Variants in HSF5 observed in about 807,000 individuals in gnomAD.
HSF5 encodes heat shock factor protein 5.
HSF5 carries 5 observed loss-of-function variants against 50.8 expected under a neutral mutation model. That is an observed-to-expected ratio of 0.10 (90% CI 0.05 to 0.21). The LOEUF (loss-of-function observed/expected upper bound fraction) is 0.21, where lower values mean the gene tolerates loss of function less well. Among genes scored for constraint, HSF5 ranks in the 10% least tolerant of loss-of-function variants. The pLI, the probability that HSF5 is intolerant of heterozygous loss-of-function variation, is 1.00. For synonymous variants in HSF5, 307 were observed against 307.4 expected (o/e 1.00, Z 0.02); for missense variants, 564 against 762.6 (o/e 0.74, Z 3.07).
intron 5 of HSF5, among the ~76,000 whole-genome samples, chr17:58,428,607 C>T (rs1207214279): frequency 1.3e-5 from 2 of 151,682 alleles, no homozygotes; most frequent in South Asian, 4.2e-4. Context: ...TGCAGTGAGC[C>T]GAGATCACAC....
chr17:58,476,763 GTT>G, intron 2 of HSF5: 2 of 1,598,556 alleles, frequency 1.3e-6, no homozygotes, highest in Non-Finnish European at 1.7e-6. Context: ...GGTTGGCGGA[GTT>G]TGTTATATTT....
At chr17:58,440,277 T>C (rs561602799) in intron 5 of HSF5, among the ~76,000 whole-genome samples, 50 of 152,300 alleles carry the variant, frequency 3.3e-4, no homozygotes, top group African/African-American at 1.2e-3. Context: ...TGTCAGAGAC[T>C]GGGCTTGTCA....
intron 1 of HSF5, among the ~76,000 whole-genome samples, chr17:58,482,324 G>A (rs935007186): frequency 1.3e-4 from 20 of 151,930 alleles, no homozygotes; most frequent in Admixed American, 7.2e-4. Context: ...TAGACCCTGC[G>A]CAGTGTCTCA....
Position 58,488,088 on chromosome 17 carries a change from C to G in HSF5, c.187G>C (p.Ala63Pro). 6.3e-7 allele frequency: 1 copy of G among 1,576,660 alleles called. No homozygotes were observed. Among genetic ancestry groups the G allele is most frequent in the South Asian group, 1.1e-5 (1 of 88,184 alleles). ...PPGPGGGGGTAGAGAEPELFK... is the reference protein window; with the variant it reads ...PPGPGGGGGTPGAGAEPELFK... ...AGCTCGGGCTCGGCCCCGGCCCCCG[C>G]AGTCCCGCCACCGCCCCCCGGCCCG... is the stretch of plus-strand genomic sequence containing the variant. The change falls in exon 1 of 6, where the codon GCG (alanine) becomes CCG (proline). Residue 63 changes from alanine (A) to proline (P), a missense_variant. This residue lies in a region of HSF5 where 72 missense variants were observed against 110.9 expected (regional missense o/e 0.65). Transcript: ENST00000323777. This position sits in a 1 kb window ranked among gnomAD's most constrained non-coding sequence, Gnocchi z 4.1.
At chr17:58,456,144 T>C (rs755438118) in intron 5 of HSF5, among the ~76,000 whole-genome samples, 14 of 136,486 alleles carry the variant, frequency 1.0e-4, no homozygotes, top group Non-Finnish European at 1.6e-4. Flanking sequence ...TGTGTGTATA[T>C]ATATATATGT....
chr17:58,463,359 AG>A, intron 3 of HSF5, 56 bp from the exon 4 acceptor site: 1 of 1,405,400 alleles, frequency 7.1e-7, no homozygotes, highest in East Asian at 2.3e-5. Context: ...GAGATTAAGG[AG>A]GAAAGCTACA....
chr17:58,457,227 T>G (rs1974723259), intron 5 of HSF5, among the ~76,000 whole-genome samples: 1 of 147,974 alleles, frequency 6.8e-6, no homozygotes, highest in South Asian at 2.1e-4. Context: ...GCCATTGCAC[T>G]ACAGCCCGGG....
chr17:58,466,835 T>C (rs923846003), intron 3 of HSF5, 50 bp downstream of exon 3: 14 of 1,145,540 alleles, frequency 1.2e-5, no homozygotes, highest in African/African-American at 6.1e-5. Flanking sequence ...GCAATATCGA[T>C]AAAATTGCAC....
At chr17:58,431,280 C>G (rs1217648007) in intron 5 of HSF5, among the ~76,000 whole-genome samples, 3 of 152,150 alleles carry the variant, frequency 2.0e-5, no homozygotes, top group Non-Finnish European at 4.4e-5. Context: ...AACACACATA[C>G]CAAGGCTATA....
At position 58,470,458 on chromosome 17, in the gene HSF5, G is replaced by A. The variant is rs557744929; in HGVS notation, c.926-3479C>T. On this transcript the variant is annotated intron_variant, in intron 2 of 5. Transcript: ENST00000323777. ...TTCCTCATGTAAGGTTCCTAGAAAA[G>A]TCAAATTCATAAAAACAAAAAATAA... Among the ~76,000 whole-genome samples the A allele has an allele frequency of 2.0e-5, 3 of 152,266 alleles. No homozygotes were observed. In the South Asian group the frequency reaches 6.2e-4, roughly 32 times the overall value.
At chr17:58,469,672 G>A (rs1343399996) in intron 2 of HSF5, among the ~76,000 whole-genome samples, 1 of 152,178 alleles carries the variant, frequency 6.6e-6, no homozygotes, top group African/African-American at 2.4e-5. Context: ...TGTGCATTAT[G>A]AAAGCACTGA....
intron 3 of HSF5, 87 bp from the exon 4 acceptor site, chr17:58,463,390 C>G: frequency 9.7e-7 from 1 of 1,035,466 alleles, no homozygotes; most frequent in South Asian, 1.6e-5. Flanking sequence ...CTGATGAGTG[C>G]TAAACATAAA....
At position 58,422,350 on chromosome 17, in the gene HSF5, C is replaced by A; in HGVS notation, c.*10G>T. 1 of 1,605,794 alleles carries A rather than the reference C, an allele frequency of 6.2e-7. No homozygotes were observed. Among genetic ancestry groups the A allele is most frequent in the South Asian group, 1.1e-5 (1 of 90,714 alleles). On this transcript the variant is annotated 3_prime_UTR_variant, in exon 6 of 6. Transcript: ENST00000323777. ...AGCTAGTGCACAATGTCACATTTGT[C>A]ATCCATTCCTCACTCTTTTAATTCT...
intron 2 of HSF5, 94 bp from the exon 3 acceptor site, chr17:58,467,073 A>C (rs2143788744): frequency 2.6e-6 from 2 of 765,432 alleles, no homozygotes; most frequent in East Asian, 5.1e-5. Flanking sequence ...AAGAAATCCA[A>C]ATTTGAAGAA....
intron 2 of HSF5, chr17:58,476,536 AC>A: frequency 7.3e-7 from 1 of 1,370,650 alleles, no homozygotes; most frequent in African/African-American, 1.4e-5. Context: ...TTTGGACAGA[AC>A]TTTATTTTCA....
At chr17:58,450,136 G>C (rs1974616398) in intron 5 of HSF5, among the ~76,000 whole-genome samples, 1 of 151,572 alleles carries the variant, frequency 6.6e-6, no homozygotes, top group Admixed American at 6.6e-5. Context: ...AGGAGTTTGA[G>C]ACTGGCCTGG....
intron 5 of HSF5, among the ~76,000 whole-genome samples, chr17:58,456,967 GA>G (rs1016828007): frequency 4.0e-5 from 6 of 151,796 alleles, no homozygotes; most frequent in Non-Finnish European, 2.9e-5. Context: ...TATAAAAAAT[GA>G]AAAAAGGCAG....
intron 5 of HSF5, among the ~76,000 whole-genome samples, chr17:58,440,173 G>A (rs371614384): frequency 6.6e-6 from 1 of 152,188 alleles, no homozygotes; most frequent in East Asian, 1.9e-4. Context: ...CAGAGAGTAA[G>A]CCTTGTATTT....
At chr17:58,440,693 T>A (rs189354667) in intron 5 of HSF5, among the ~76,000 whole-genome samples, 1 of 152,298 alleles carries the variant, frequency 6.6e-6, no homozygotes, top group African/African-American at 2.4e-5. Flanking sequence ...AAAACAACCA[T>A]GCTTACTATT....
Sources: gnomAD v4.1 joint callset for allele counts (sites outside exome capture counted in the v4.1 genomes callset) on GRCh38, gnomAD v4.1.1 for gene constraint, gnomAD v4.1.1 regional missense constraint, Gnocchi (gnomAD v3.1) non-coding constraint, MANE v1.5 for transcripts, NCBI Gene and HGNC (gene_info 2026-07-23, HGNC 2026-07-21) for gene names.